The following KRT5 variants were observed in gnomAD, a reference collection of about 807,000 sequenced individuals.
The protein encoded by KRT5 is keratin, type II cytoskeletal 5.
KRT5 carries 17 observed loss-of-function variants against 44.0 expected under a neutral mutation model. That is an observed-to-expected ratio of 0.39 (90% CI 0.26 to 0.58). The LOEUF is 0.58. Ranked by LOEUF, KRT5 falls within the 20% of genes least tolerant of loss-of-function variation. KRT5 has a pLI of 0.61. For missense variants in KRT5, 737 were observed against 785.5 expected (o/e 0.94, Z 0.74); for synonymous variants, 329 against 312.8 (o/e 1.05, Z -0.55).
At position 52,519,044 on chromosome 12, in the gene KRT5, G is replaced by A. The variant is rs1938664536; in HGVS notation, c.672C>T (p.Asn224=). 6.2e-7 allele frequency: 1 copy of A among 1,614,210 alleles called. No homozygotes were observed. The highest frequency in any genetic ancestry group is 1.7e-5 in the Admixed American group (1 of 60,020). Residue 224 remains asparagine (N), a synonymous_variant, in exon 2 of 9, where the codon AAC becomes AAT. Coordinates refer to ENST00000252242, the MANE Select transcript of KRT5 (RefSeq NM_000424.4). The part of the protein sequence containing the change: ...NLEPLFEQYI[N]NLRRQLDSIV... ...TGCTGTCCAGCTGCCTCCTGAGGTT[G>A]TTGATGTACTGCTCGAACAACGGCT...
At chr12:52,516,309 A>G in intron 7 of KRT5, 1 of 414,448 alleles carries the variant, frequency 2.4e-6, no homozygotes. Context: ...CTGGAGGACA[A>G]GGGTGGATGG....
In KRT5 at chr12:52,517,807, T is replaced by A. The variant is rs984213726; in HGVS notation, c.928-53A>T. On this transcript the variant is annotated intron_variant, in intron 4 of 8. Transcript: ENST00000252242. ...TGGTTCTGTGTTGTGTTATTTAATG[T>A]CAGTTCCATTCAAATCTTTCACTCA... The A allele has an allele frequency of 2.5e-6, 4 of 1,611,204 alleles. No individual in the cohort carries two copies. The African/African-American group carries it at 5.3e-5, about 22-fold the overall frequency.
At chr12:52,515,479 C>T in intron 8 of KRT5, 1 of 638,656 alleles carries the variant, frequency 1.6e-6, no homozygotes, top group Non-Finnish European at 2.8e-6. Context: ...CTACAGGGAG[C>T]TAGGTACTGA....
chr12:52,516,512 GTGT>G, intron 7 of KRT5, 122 bp downstream of exon 7: 1 of 974,720 alleles, frequency 1.0e-6, no homozygotes, highest in Non-Finnish European at 1.6e-6. Flanking sequence ...GACTGAAATA[GTGT>G]TGATGATGTG....
chr12:52,519,391 G>T (rs542080086), intron 1 of KRT5: 1 of 679,718 alleles, frequency 1.5e-6, no homozygotes, highest in Non-Finnish European at 2.5e-6. Flanking sequence ...TGCTTGGAGT[G>T]TGTCCCGGCT....
Position 52,514,875 on chromosome 12 carries a change from G to A in KRT5, c.*67C>T. 1.5e-6 allele frequency: 2 copies of A among 1,363,080 alleles called. No individual in the cohort carries two copies. Among genetic ancestry groups the A allele is most frequent in the South Asian group, 1.2e-5 (1 of 84,872 alleles). The allele number at this position is 1,363,080 out of a possible 1,614,324, so 84.4% of individuals were successfully genotyped here. On this transcript the variant is annotated 3_prime_UTR_variant, in exon 9 of 9. Transcript: ENST00000252242. Reference sequence around the variant, plus strand: ...AGGATAAAACATGGCTTGAGCAACTGCCTAGAAGAGGCAATCTCCATGGGC... The same window carrying A: ...AGGATAAAACATGGCTTGAGCAACTACCTAGAAGAGGCAATCTCCATGGGC...
chr12:52,519,237 C>G (rs1398985867), intron 1 of KRT5, 77 bp from the exon 2 acceptor site: 1 of 1,583,402 alleles, frequency 6.3e-7, no homozygotes, highest in Non-Finnish European at 8.6e-7. Context: ...GTGCCTCCCA[C>G]CTCTTTCCGT....
rs951153221 is a variant in KRT5, at chr12:52,518,479, T to C, written c.771-316A>G. On this transcript the variant is annotated intron_variant, in intron 2 of 8. Coordinates refer to ENST00000252242, the MANE Select transcript of KRT5 (RefSeq NM_000424.4). The stretch of plus-strand genomic sequence containing the variant: ...TAGTCAATTTCTCTAGTGTTCTTTT[T>C]TGAGCTTTCAGAGGCTTTAAAAAAA... The C allele has an allele frequency of 5.0e-6, 3 of 594,780 alleles. No individual in the cohort carries two copies. In the African/African-American group the frequency reaches 5.5e-5, roughly 11 times the overall value. The allele number at this position is 594,780 out of a possible 1,614,324, so 36.8% of individuals were successfully genotyped here.
Position 52,517,102 on chromosome 12 carries a change from C to T in KRT5, c.1218+5G>A, listed in dbSNP as rs1402332107. 1.2e-6 allele frequency: 2 copies of T among 1,614,078 alleles called. No individual in the cohort carries two copies. The highest frequency in any genetic ancestry group is 2.2e-5 in the South Asian group (2 of 91,084). ...CTTCCTTGCCCTCTTTCAATCTCACCCTACCTGTTTCTTGACATTGTCAAT... is the reference window on the plus strand; with the variant it reads ...CTTCCTTGCCCTCTTTCAATCTCACTCTACCTGTTTCTTGACATTGTCAAT... On this transcript the variant is annotated splice_donor_5th_base_variant and intron_variant, in intron 6 of 8. Coordinates refer to ENST00000252242, the MANE Select transcript of KRT5 (RefSeq NM_000424.4).
intron 6 of KRT5, 27 bp from the exon 7 acceptor site, chr12:52,516,884 G>C (rs967677382): frequency 6.2e-7 from 1 of 1,612,146 alleles, no homozygotes; most frequent in Non-Finnish European, 8.5e-7. Context: ...GGAGAGTGGG[G>C]TTGCTTGGGA....
Position 52,520,289 on chromosome 12 carries a change from C to A in KRT5, c.8G>T (p.Arg3Leu). The change falls in exon 1 of 9, where the codon CGC becomes CTC. Residue 3 changes from arginine to leucine, a missense_variant. By Grantham distance (102) the Arg-to-Leu change is moderately radical. This residue lies in a region of KRT5 where 326 missense variants were observed against 333.1 expected (regional missense o/e 0.98). Transcript: ENST00000252242. ...GCTCCGGAAGGACACACTTGACTGG[C>A]GAGACATGGTGGCTTGTTCCTGGTG... is the stretch of plus-strand genomic sequence containing the variant. MS[R>L]QSSVSFRSGG... is the part of the protein sequence containing the mutation. 3.7e-6 allele frequency: 6 copies of A among 1,613,092 alleles called. No individual in the cohort carries two copies. Among genetic ancestry groups the A allele is most frequent in the Non-Finnish European group, 5.1e-6 (6 of 1,180,008 alleles).
Position 52,517,998 on chromosome 12 carries a change from G to A in KRT5, c.832-6C>T. The A allele has an allele frequency of 6.2e-7, 1 of 1,613,610 alleles. No homozygotes were observed. The highest frequency in any genetic ancestry group is 1.1e-5 in the South Asian group (1 of 91,076). ...ATGTAGGCAGCATCTACATCCTGGG[G>A]AAACAGGGATGATTGGCACTGCACA... On this transcript the variant is annotated splice_region_variant and splice_polypyrimidine_tract_variant and intron_variant, in intron 3 of 8. Transcript: ENST00000252242.
intron 6 of KRT5, 124 bp downstream of exon 6, chr12:52,516,983 A>G: frequency 6.8e-7 from 1 of 1,479,120 alleles, no homozygotes; most frequent in Non-Finnish European, 9.4e-7. Context: ...GGGTGGCAGG[A>G]CACTGAAACA....
rs762388603 is a variant in KRT5 at position 52,519,054 on chromosome 12, T to A, written c.662A>T (p.Gln221Leu). Residue 221 changes from glutamine (Q) to leucine (L), a missense_variant, in exon 2 of 9, where the codon CAG (glutamine) becomes CTG (leucine). By Grantham distance (113) the Gln-to-Leu change is moderately radical. Around this residue, in one of 5 missense-constraint regions of KRT5, gnomAD observed 326 missense variants for 333.1 expected, o/e 0.98. Transcript: ENST00000252242. The part of the protein sequence containing the change: ...VRQNLEPLFE[Q>L]YINNLRRQLD... ...CTGCCTCCTGAGGTTGTTGATGTACTGCTCGAACAACGGCTCCAGGTTCTG... is the reference window on the plus strand; with the variant it reads ...CTGCCTCCTGAGGTTGTTGATGTACAGCTCGAACAACGGCTCCAGGTTCTG... The A allele has an allele frequency of 3.1e-6, 5 of 1,614,222 alleles. No individual in the cohort carries two copies. The highest frequency in any genetic ancestry group is 3.4e-6 in the Non-Finnish European group (4 of 1,180,030).
chr12:52,515,265 A>G, intron 8 of KRT5, 25 bp from the exon 9 acceptor site: 1 of 1,603,064 alleles, frequency 6.2e-7, no homozygotes, highest in Non-Finnish European at 8.5e-7. Flanking sequence ...GGGAGGACTC[A>G]GTGAGACCAT....
At chr12:52,515,428 C>A in intron 8 of KRT5, 188 bp from the exon 9 acceptor site, 1 of 763,708 alleles carries the variant, frequency 1.3e-6, no homozygotes. Flanking sequence ...AGGCAAGGTG[C>A]TAGGTACTGA....
chr12:52,515,493 G>A (rs2120470801), intron 8 of KRT5: 1 of 629,198 alleles, frequency 1.6e-6, no homozygotes, highest in Non-Finnish European at 2.8e-6. Flanking sequence ...GTACTGAGGG[G>A]AGCTAGGTAC....
At chr12:52,518,199 G>T (rs1319361948) in intron 2 of KRT5, 36 bp from the exon 3 acceptor site, 1 of 1,599,584 alleles carries the variant, frequency 6.3e-7, no homozygotes, top group Non-Finnish European at 8.6e-7. Context: ...TTTGTCAGAG[G>T]ATGAGCAACA....
chr12:52,518,052 C>G lies in KRT5; in HGVS notation c.831+51G>C, dbSNP rs375764474. ...CGTCACCCTACTCAAGTGAGCTCCA[C>G]GCTTAGAGAGCATAGCTGCAGGCTG... is the stretch of plus-strand genomic sequence containing the variant. On this transcript the variant is annotated intron_variant, in intron 3 of 8. Transcript: ENST00000252242. 7.5e-5 allele frequency: 121 copies of G among 1,611,868 alleles called. 1 individual carries two copies. In the African/African-American group the frequency reaches 1.0e-3, roughly 13 times the overall value.
Sources: gnomAD v4.1 joint callset for allele counts on GRCh38, gnomAD v4.1.1 for gene constraint, gnomAD v4.1.1 regional missense constraint, MANE v1.5 for transcripts, NCBI Gene and HGNC (gene_info 2026-07-23, HGNC 2026-07-21) for gene names.